Variants in SLC47A2 observed in about 807,000 individuals in gnomAD.
The protein encoded by SLC47A2 is multidrug and toxin extrusion protein 2.
In SLC47A2, 52 loss-of-function variants were observed where a neutral mutation model predicts 67.7. That is an observed-to-expected ratio of 0.77 (90% CI 0.61 to 0.97). The LOEUF (loss-of-function observed/expected upper bound fraction) is 0.97. SLC47A2 is among the 50% of genes least tolerant of loss of function. The pLI is 0.00. For missense variants in SLC47A2, 676 were observed against 712.3 expected, an observed-to-expected ratio of 0.95 and a Z score of 0.58; for synonymous variants, 278 against 292.9, an observed-to-expected ratio of 0.95 and a Z score of 0.52.
intron 8 of SLC47A2, 80 bp from the exon 9 acceptor site, chr17:19,706,841 T>G: frequency 9.0e-7 from 1 of 1,105,540 alleles, no homozygotes; most frequent in Non-Finnish European, 1.3e-6. Flanking sequence ...AGGAGGCCCC[T>G]AAACCCCTTT....
intron 9 of SLC47A2, among the ~76,000 whole-genome samples, 168 bp downstream of exon 9, chr17:19,706,480 T>G (rs2152353468): frequency 6.6e-6 from 1 of 152,254 alleles, no homozygotes; most frequent in South Asian, 2.1e-4. Context: ...AGTGGTGTTC[T>G]CTGGGTCCAA....
Position 19,684,993 on chromosome 17 carries a change from G to A in SLC47A2, c.1165-3323C>T, listed in dbSNP as rs149668771. On this transcript the variant is annotated intron_variant, in intron 13 of 16. Transcript: ENST00000433844. ...GCCGAGTGCCTGGGATTCCAGGCAC[G>A]CGCTGCCACTCCTGACTGGTTTTTG... is the stretch of plus-strand genomic sequence containing the variant. 2.1e-3 allele frequency among the ~76,000 whole-genome samples: 313 copies of A among 152,168 alleles called. 4 individuals carry two copies. The East Asian group carries it at 0.047, about 23-fold the overall frequency.
chr17:19,706,838 C>T, intron 8 of SLC47A2, 77 bp from the exon 9 acceptor site: 1 of 1,122,620 alleles, frequency 8.9e-7, no homozygotes, highest in Admixed American at 2.4e-5. Context: ...GCCAGGAGGC[C>T]CCTAAACCCC....
intron 13 of SLC47A2, among the ~76,000 whole-genome samples, chr17:19,696,745 T>C (rs1483201209): frequency 6.6e-6 from 1 of 152,258 alleles, no homozygotes; most frequent in Non-Finnish European, 1.5e-5. Context: ...GCAGTGCTAG[T>C]GTCTTAGTCC....
rs889185367 is a variant in SLC47A2 at position 19,707,785 on chromosome 17, A to G, written c.688T>C (p.Tyr230His). 3 of 1,603,436 alleles carry G rather than the reference A, an allele frequency of 1.9e-6. No individual in the cohort carries two copies. The African/African-American group carries it at 4.0e-5, about 21-fold the overall frequency. The change falls in exon 8 of 17, where the codon TAC becomes CAC. Residue 230 changes from tyrosine to histidine, a missense_variant. Physicochemically the swap from Tyr to His is moderately conservative, Grantham distance 83. Coordinates refer to ENST00000433844, the MANE Select transcript of SLC47A2 (RefSeq NM_001099646.3). ...QFAQTVFLLL[Y>H]IVLKKLHLET... ...AGGTGCAGCTTCTTCAGCACAATGT[A>G]GAGAAGGAGGAAGACGGTCTGTGCA...
chr17:19,705,325 AGGGTCCTTC>A, intron 10 of SLC47A2, 102 bp downstream of exon 10: 1 of 1,184,952 alleles, frequency 8.4e-7, no homozygotes, highest in Non-Finnish European at 1.2e-6. Context: ...AGGCCCGGGG[AGGGTCCTTC>A]GGGAGACAGA....
chr17:19,716,603 C>T, upstream of SLC47A2: 1 of 1,512,106 alleles, frequency 6.6e-7, no homozygotes, highest in Non-Finnish European at 8.8e-7. Flanking sequence ...GCCTGCACGG[C>T]CAGCTTTGTC....
chr17:19,698,457 A>G (rs2085713442), intron 13 of SLC47A2, among the ~76,000 whole-genome samples: 1 of 152,190 alleles, frequency 6.6e-6, no homozygotes, highest in African/African-American at 2.4e-5. Flanking sequence ...GCTTCAAGCA[A>G]TTCTCATGCT....
At chr17:19,711,034 C>T (rs1437091173) in intron 5 of SLC47A2, among the ~76,000 whole-genome samples, 1 of 151,644 alleles carries the variant, frequency 6.6e-6, no homozygotes, top group Non-Finnish European at 1.5e-5. Flanking sequence ...GTCTCAAACT[C>T]CCAACCTCAG....
chr17:19,693,849 A>G (rs1316568979), intron 13 of SLC47A2, among the ~76,000 whole-genome samples: 2 of 152,276 alleles, frequency 1.3e-5, no homozygotes, highest in East Asian at 3.9e-4. Context: ...ATTGGAAAGC[A>G]GAAGTAAAAG....
chr17:19,708,466 G>A (rs1388175704), intron 6 of SLC47A2, 67 bp from the exon 7 acceptor site: 2 of 1,614,142 alleles, frequency 1.2e-6, no homozygotes, highest in Admixed American at 1.7e-5. Flanking sequence ...ACAAACCCGG[G>A]GTTTGGAATG....
In SLC47A2 at chr17:19,714,441, G is replaced by C. The variant is rs543813271; in HGVS notation, c.294+280C>G. ...AACTTAGGATTGAGGCTGGGGAACCGGTTGTCTTTCTCTACTTGGTGACCT... is the reference window on the plus strand; with the variant it reads ...AACTTAGGATTGAGGCTGGGGAACCCGTTGTCTTTCTCTACTTGGTGACCT... On this transcript the variant is annotated intron_variant, in intron 3 of 16. Coordinates refer to ENST00000433844, the MANE Select transcript of SLC47A2 (RefSeq NM_001099646.3). 3.8e-5 allele frequency: 20 copies of C among 532,740 alleles called. No individual in the cohort carries two copies. In the South Asian group the frequency reaches 4.6e-4, roughly 12 times the overall value. The allele number at this position is 532,740 out of a possible 1,614,324, so 33.0% of individuals were successfully genotyped here.
chr17:19,690,215 C>CAT (rs2085510631), intron 13 of SLC47A2, among the ~76,000 whole-genome samples: 1 of 152,202 alleles, frequency 6.6e-6, no homozygotes, highest in Admixed American at 6.5e-5. Context: ...ACTGGATATT[C>CAT]ATACGTAGAA....
intron 1 of SLC47A2, 113 bp downstream of exon 1, chr17:19,716,320 G>A (rs2086264091): frequency 7.0e-7 from 1 of 1,437,740 alleles, no homozygotes; most frequent in Admixed American, 2.6e-5. Context: ...AGTCAACATG[G>A]GCAGTTTCTG....
intron 13 of SLC47A2, among the ~76,000 whole-genome samples, chr17:19,691,823 G>T (rs1340518401): frequency 1.3e-5 from 2 of 152,206 alleles, no homozygotes; most frequent in East Asian, 3.8e-4. Flanking sequence ...ATTAGGCATT[G>T]CATGCCTTAT....
At chr17:19,715,798 C>G (rs906637700) in intron 1 of SLC47A2, 3 of 148,594 alleles carry the variant, frequency 2.0e-5, no homozygotes, top group African/African-American at 7.4e-5. Flanking sequence ...CCTACCCGTC[C>G]CGGGTTCAAG....
chr17:19,712,877 G>C, intron 4 of SLC47A2, 132 bp from the exon 5 acceptor site: 1 of 788,496 alleles, frequency 1.3e-6, no homozygotes. Flanking sequence ...TGAAACCTCA[G>C]CATCAGGGGC....
chr17:19,682,812 C>G (rs2085345700), intron 13 of SLC47A2, among the ~76,000 whole-genome samples: 1 of 152,222 alleles, frequency 6.6e-6, no homozygotes, highest in African/African-American at 2.4e-5. Flanking sequence ...CCCTCACCCA[C>G]TGCTGTCTGT....
chr17:19,708,342 C>T lies in SLC47A2; in HGVS notation c.589G>A (p.Ala197Thr). The change falls in exon 7 of 17, where the codon GCC becomes ACC. Residue 197 changes from alanine to threonine, a missense_variant. By Grantham distance (58) the Ala-to-Thr change is moderately conservative. Coordinates refer to ENST00000433844, the MANE Select transcript of SLC47A2 (RefSeq NM_001099646.3). ...AGCACAGAAACCAGGGCATAGTTGG[C>T]CACACCGTTGACACAGTTGCCCACC... is the stretch of plus-strand genomic sequence containing the variant. ...GVVGNCVNGVANYALVSVLNL... is the reference protein window; with the variant it reads ...GVVGNCVNGVTNYALVSVLNL... The T allele has an allele frequency of 6.2e-7, 1 of 1,613,652 alleles. No homozygotes were observed. Among genetic ancestry groups the T allele is most frequent in the Non-Finnish European group, 8.5e-7 (1 of 1,180,016 alleles).
Sources: allele counts gnomAD v4.1 joint callset (sites outside exome capture counted in the v4.1 genomes callset), GRCh38; gene constraint gnomAD v4.1.1; transcripts MANE v1.5; gene names NCBI Gene and HGNC (gene_info 2026-07-23, HGNC 2026-07-21).